SFXN5: variants seen among roughly 807,000 people sequenced by gnomAD.
SFXN5 encodes sideroflexin-5.
Under a neutral mutation model 50.2 loss-of-function variants are expected in SFXN5, and 43 were observed. The ratio of observed to expected loss-of-function variants is 0.86; its 90% CI spans 0.67 to 1.11. SFXN5 has a LOEUF of 1.11. Among genes scored for constraint, SFXN5 ranks in the 50% least tolerant of loss-of-function variants. The pLI, the probability that SFXN5 is intolerant of heterozygous loss-of-function variation, is 0.00. For synonymous variants in SFXN5, 203 were observed against 185.8 expected, an observed-to-expected ratio of 1.09 and a Z score of -0.75; for missense variants, 463 against 454.1, an observed-to-expected ratio of 1.02 and a Z score of -0.18.
chr2:73,016,970 C>T (rs1676244386), intron 6 of SFXN5, among the ~76,000 whole-genome samples: 1 of 152,188 alleles, frequency 6.6e-6, no homozygotes, highest in Non-Finnish European at 1.5e-5. Flanking sequence ...ACATGGCTGA[C>T]TGGGAGCTGC....
intron 13 of SFXN5, among the ~76,000 whole-genome samples, chr2:72,948,628 C>G (rs1672199861): frequency 6.6e-6 from 1 of 152,228 alleles, no homozygotes; most frequent in Non-Finnish European, 1.5e-5. Context: ...TGCCCACTCC[C>G]TAGAGCATGC....
At chr2:73,022,419 G>C in intron 5 of SFXN5, 103 bp downstream of exon 5, 1 of 858,896 alleles carries the variant, frequency 1.2e-6, no homozygotes, top group Non-Finnish European at 2.0e-6. Flanking sequence ...GATTGTAACA[G>C]GCTCTGTCCC....
chr2:72,999,916 C>T (rs1673695639), intron 8 of SFXN5, among the ~76,000 whole-genome samples: 1 of 151,970 alleles, frequency 6.6e-6, no homozygotes, highest in African/African-American at 2.4e-5. Context: ...GGGCCTCCAC[C>T]ACAAGCTCTC....
intron 9 of SFXN5, among the ~76,000 whole-genome samples, chr2:72,995,811 C>G (rs772642551): frequency 1.3e-5 from 2 of 152,110 alleles, no homozygotes; most frequent in Non-Finnish European, 1.5e-5. Flanking sequence ...AAGCCTCTTT[C>G]TTCAGAGGTT....
intron 3 of SFXN5, among the ~76,000 whole-genome samples, 174 bp downstream of exon 3, chr2:73,040,680 T>C (rs1200942622): frequency 6.6e-6 from 1 of 152,228 alleles, no homozygotes; most frequent in African/African-American, 2.4e-5. Context: ...CCACTGGACC[T>C]AGAGCACAGG....
Position 72,961,018 on chromosome 2 carries a change from C to T in SFXN5, c.945+113G>A, listed in dbSNP as rs1354571343. The T allele has an allele frequency of 1.4e-6, 1 of 715,498 alleles. No individual in the cohort carries two copies. The highest frequency in any genetic ancestry group is 2.1e-6 in the Non-Finnish European group (1 of 476,400). The allele number at this position is 715,498 out of a possible 1,614,324, so 44.3% of individuals were successfully genotyped here. A position where few individuals can be genotyped will look rare whatever the true frequency, so the allele number is the denominator to read the frequency against. On this transcript the variant is annotated intron_variant, in intron 13 of 13. Coordinates refer to ENST00000272433, the MANE Select transcript of SFXN5 (RefSeq NM_144579.3). The surrounding 1 kb of genome is among the most constrained non-coding windows in gnomAD (Gnocchi z 4.4). ...CCTGGGCCAGCCTCATTCACGGTTCCAGCCCCAGCGCCTAGCATGGCGCTA... is the reference window on the plus strand; with the variant it reads ...CCTGGGCCAGCCTCATTCACGGTTCTAGCCCCAGCGCCTAGCATGGCGCTA...
rs1673791707 is a variant in SFXN5, at chr2:72,961,929, C to T, written c.828-681G>A. Among the ~76,000 whole-genome samples, 1 of 152,224 alleles carries T rather than the reference C, an allele frequency of 6.6e-6. No individual in the cohort carries two copies. The highest frequency in any genetic ancestry group is 2.4e-5 in the African/African-American group (1 of 41,464). On this transcript the variant is annotated intron_variant, in intron 12 of 13. Coordinates refer to ENST00000272433, the MANE Select transcript of SFXN5 (RefSeq NM_144579.3). The surrounding 1 kb of genome is among the most constrained non-coding windows in gnomAD (Gnocchi z 4.4). ...CCCAGCTGGTCCCCTGTGCCAGCTT[C>T]ATCACCAACACAACACAGCTGGCAC...
chr2:73,061,307 C>G (rs144213650), intron 1 of SFXN5, among the ~76,000 whole-genome samples: 9,542 of 71,678 alleles, frequency 0.13, 676 homozygotes, highest in African/African-American at 0.28. Context: ...GACTCTGTCT[C>G]AAAAAAAAAA....
At chr2:73,050,421 C>CACACACACACACACACACA (rs1240561312) in intron 2 of SFXN5, among the ~76,000 whole-genome samples, 8 of 148,382 alleles carry the variant, frequency 5.4e-5, no homozygotes, top group Non-Finnish European at 8.9e-5. Flanking sequence ...CACACACACA[C>CACACACACACACACACACA]CCCTGCAGAG....
chr2:72,987,767 A>C (rs543284204), intron 10 of SFXN5, among the ~76,000 whole-genome samples: 1 of 152,196 alleles, frequency 6.6e-6, no homozygotes, highest in Non-Finnish European at 1.5e-5. Flanking sequence ...AAGAAAAACA[A>C]AGAAAAAGAA....
intron 10 of SFXN5, among the ~76,000 whole-genome samples, chr2:72,986,153 G>A (rs556587404): frequency 6.6e-6 from 1 of 152,346 alleles, no homozygotes; most frequent in East Asian, 1.9e-4. Flanking sequence ...TCCATTAATG[G>A]CCCACGACAG....
intron 12 of SFXN5, among the ~76,000 whole-genome samples, chr2:72,964,205 G>A (rs1674103747): frequency 6.6e-6 from 1 of 152,200 alleles, no homozygotes; most frequent in South Asian, 2.1e-4. Flanking sequence ...AGCACTTGGA[G>A]CGCAGTTTTA....
intron 13 of SFXN5, among the ~76,000 whole-genome samples, chr2:72,957,777 G>C (rs1673272233): frequency 6.6e-6 from 1 of 152,226 alleles, no homozygotes; most frequent in Admixed American, 6.5e-5. Context: ...GGTGCCATGG[G>C]TCCCAAACAG....
intron 3 of SFXN5, among the ~76,000 whole-genome samples, chr2:73,034,292 G>C (rs924555049): frequency 2.0e-5 from 3 of 152,224 alleles, no homozygotes; most frequent in African/African-American, 7.2e-5. Context: ...TTGATGCTAG[G>C]AGTCAGGGTA....
chr2:73,022,427 C>A (rs1677008521), intron 5 of SFXN5, 95 bp downstream of exon 5: 3 of 924,246 alleles, frequency 3.2e-6, no homozygotes, highest in Non-Finnish European at 5.4e-6. Context: ...CAGGCTCTGT[C>A]CCCTCCTTAG....
intron 2 of SFXN5, among the ~76,000 whole-genome samples, chr2:73,051,369 T>TGCCTCA (rs1488904054): frequency 1.3e-5 from 2 of 151,330 alleles, no homozygotes; most frequent in Non-Finnish European, 2.9e-5. Context: ...AGCAATTCTC[T>TGCCTCA]GCCTCAGCCT....
intron 3 of SFXN5, among the ~76,000 whole-genome samples, chr2:73,038,526 G>A (rs1328640951): frequency 1.3e-5 from 2 of 152,136 alleles, no homozygotes; most frequent in South Asian, 2.1e-4. Flanking sequence ...TTACTCAGGA[G>A]GCTGAGGTGG....
intron 1 of SFXN5, among the ~76,000 whole-genome samples, chr2:73,069,670 T>C (rs976998785): frequency 1.3e-5 from 2 of 152,098 alleles, no homozygotes; most frequent in African/African-American, 4.8e-5. Flanking sequence ...AGGAACAGGG[T>C]AGCCTAAAAT....
intron 6 of SFXN5, among the ~76,000 whole-genome samples, chr2:73,003,522 G>A (rs1196632745): frequency 6.6e-6 from 1 of 152,166 alleles, no homozygotes; most frequent in Non-Finnish European, 1.5e-5. Context: ...AATAACTGGT[G>A]TGCATGTGCC....
Sources: allele counts gnomAD v4.1 joint callset (sites outside exome capture counted in the v4.1 genomes callset), GRCh38; gene constraint gnomAD v4.1.1; non-coding constraint Gnocchi (gnomAD v3.1); transcripts MANE v1.5; gene names NCBI Gene and HGNC (gene_info 2026-07-23, HGNC 2026-07-21).